Variants in UGDH observed in about 807,000 individuals in gnomAD.
UGDH encodes UDP-Glc dehydrogenase.
A neutral mutation model predicts 50.6 loss-of-function variants in UGDH; 38 were observed. That is an observed-to-expected ratio of 0.75 (90% CI 0.58 to 0.98). UGDH has a LOEUF of 0.98. UGDH is among the 50% of genes least tolerant of loss of function. The pLI is 0.00. For missense variants in UGDH, 465 were observed against 606.2 expected, an observed-to-expected ratio of 0.77 and a Z score of 2.45; for synonymous variants, 168 against 199.9, an observed-to-expected ratio of 0.84 and a Z score of 1.35.
intron 1 of UGDH, chr4:39,526,926 C>T: frequency 9.9e-7 from 1 of 1,005,238 alleles, no homozygotes; most frequent in South Asian, 1.4e-5. Context: ...ACTCTGCGGC[C>T]AAAATGAGGT....
rs1450767251 is a variant in UGDH, at chr4:39,527,394, C to G, written c.-119G>C. On this transcript the variant is annotated 5_prime_UTR_variant, in exon 1 of 12. Transcript: ENST00000316423. ...CCACCCGCGCCCCGCTCGATCTGAG[C>G]TCCCTCTCGGCGCACGCCCCTCCCT... The G allele has an allele frequency of 3.8e-6, 1 of 260,274 alleles. No individual in the cohort carries two copies. The allele number at this position is 260,274 out of a possible 1,614,324, so 16.1% of individuals were successfully genotyped here. A position where few individuals can be genotyped will look rare whatever the true frequency, so the allele number is the denominator to read the frequency against.
intron 2 of UGDH, among the ~76,000 whole-genome samples, chr4:39,519,410 T>C (rs1387981364): frequency 6.6e-6 from 1 of 152,168 alleles, no homozygotes; most frequent in East Asian, 1.9e-4. Context: ...AATGTTTGGA[T>C]ATAAGTATGG....
intron 2 of UGDH, among the ~76,000 whole-genome samples, chr4:39,517,852 G>T (rs186881591): frequency 2.4e-4 from 37 of 152,306 alleles, no homozygotes; most frequent in African/African-American, 8.9e-4. Context: ...AAGTGCAGGA[G>T]TAGTTTCATT....
chr4:39,510,782 C>T lies in UGDH; in HGVS notation c.344G>A (p.Arg115His), dbSNP rs202045254. ...GTACCCATTTGAGTTTTGCACAATG[C>T]GTCTAGCACAAGCTTCAATATACTT... ...DLKYIEACAR[R>H]IVQNSNGYKI... Residue 115 changes from arginine to histidine, a missense_variant, in exon 4 of 12, where the codon CGC becomes CAC. Transcript: ENST00000316423. The T allele has an allele frequency of 7.9e-5, 128 of 1,614,082 alleles. No homozygotes were observed. The highest frequency in any genetic ancestry group is 9.9e-5 in the Non-Finnish European group (117 of 1,180,052).
At chr4:39,526,704 G>A in intron 1 of UGDH, 1 of 185,742 alleles carries the variant, frequency 5.4e-6, no homozygotes. Flanking sequence ...CCCAGGAAAG[G>A]CCTTCCCCGA....
In UGDH at chr4:39,509,821, C is replaced by G; in HGVS notation, c.750G>C (p.Glu250Asp). Residue 250 changes from glutamate to aspartate, a missense_variant, in exon 6 of 12, where the codon GAG (glutamate) becomes GAC (aspartate). Glu to Asp is a conservative substitution (Grantham distance 45, BLOSUM62 2). Coordinates refer to ENST00000316423, the MANE Select transcript of UGDH (RefSeq NM_003359.4). ...LCEATGADVE[E>D]VATAIGMDQR... ...GGTCCATTCCAATCGCTGTTGCTACCTCTTCTACATCAGCTCCTGTTGCTT... is the reference window on the plus strand; with the variant it reads ...GGTCCATTCCAATCGCTGTTGCTACGTCTTCTACATCAGCTCCTGTTGCTT... The G allele has an allele frequency of 6.2e-7, 1 of 1,613,256 alleles. No individual in the cohort carries two copies. Among genetic ancestry groups the G allele is most frequent in the Non-Finnish European group, 8.5e-7 (1 of 1,179,868 alleles).
chr4:39,516,501 C>A (rs951360148), intron 2 of UGDH, among the ~76,000 whole-genome samples: 1 of 152,164 alleles, frequency 6.6e-6, no homozygotes, highest in Non-Finnish European at 1.5e-5. Context: ...ACCTAAACCA[C>A]TGAAGCTCAC....
chr4:39,512,650 A>G (rs1158206120), intron 3 of UGDH, among the ~76,000 whole-genome samples: 1 of 151,716 alleles, frequency 6.6e-6, no homozygotes, highest in Non-Finnish European at 1.5e-5. Flanking sequence ...AATTAGACTA[A>G]GTAACTCATT....
chr4:39,505,629 A>G lies in UGDH; in HGVS notation c.1026T>C (p.Thr342=). Reference sequence around the variant, plus strand: ...TTAAAAACTGATACCTTGTATCACCAGTGTCCTTTTTGAATGCAAATCCCA... The same window carrying G: ...TTAAAAACTGATACCTTGTATCACCGGTGTCCTTTTTGAATGCAAATCCCA... The part of the protein sequence containing the change: ...AILGFAFKKD[T]GDTRESSSIY... The change falls in exon 8 of 12, where the codon ACT becomes ACC. Residue 342 remains threonine (T), a synonymous_variant. Transcript: ENST00000316423. 6.2e-7 allele frequency: 1 copy of G among 1,605,212 alleles called. No homozygotes were observed. Among genetic ancestry groups the G allele is most frequent in the East Asian group, 2.2e-5 (1 of 44,778 alleles).
intron 1 of UGDH, 75 bp from the exon 2 acceptor site, chr4:39,521,594 T>C (rs1206127775): frequency 8.1e-7 from 1 of 1,228,870 alleles, no homozygotes; most frequent in Non-Finnish European, 1.1e-6. Context: ...ACATTAATTA[T>C]ACTTTATAAA....
intron 11 of UGDH, among the ~76,000 whole-genome samples, chr4:39,501,985 T>C (rs958420430): frequency 1.3e-5 from 2 of 152,232 alleles, no homozygotes; most frequent in Non-Finnish European, 1.5e-5. Context: ...GCTTCTGCTT[T>C]ATATTAACCA....
chr4:39,510,043 CAATG>C, intron 5 of UGDH, 136 bp from the exon 6 acceptor site: 2 of 1,036,566 alleles, frequency 1.9e-6, no homozygotes, highest in South Asian at 1.9e-5. Context: ...TTTGAGGAGA[CAATG>C]GATGGGTTAG....
chr4:39,512,093 G>A (rs1296151874), intron 3 of UGDH, among the ~76,000 whole-genome samples: 2 of 151,650 alleles, frequency 1.3e-5, no homozygotes, highest in East Asian at 1.9e-4. Context: ...TAACCTTGGA[G>A]AAGTGTGGCT....
chr4:39,513,815 G>A (rs760798691), intron 3 of UGDH, among the ~76,000 whole-genome samples: 6 of 152,148 alleles, frequency 3.9e-5, no homozygotes, highest in East Asian at 1.9e-4. Flanking sequence ...GATTACAGGC[G>A]TGAGCCACCG....
In UGDH at chr4:39,500,252, A is replaced by G. The variant is rs895364082; in HGVS notation, c.1376T>C (p.Ile459Thr). 1.3e-6 allele frequency: 2 copies of G among 1,563,750 alleles called. No individual in the cohort carries two copies. Among genetic ancestry groups the G allele is most frequent in the African/African-American group, 2.7e-5 (2 of 73,188 alleles). The change falls in exon 12 of 12, where the codon ATT becomes ACT. Residue 459 changes from isoleucine (I) to threonine (T), a missense_variant and splice_region_variant. By Grantham distance (89) the Ile-to-Thr change is moderately conservative. Transcript: ENST00000316423. ...HNELQTIGFQ[I>T]ETIGKKVSSK... ...AGACACCTTTTTGCCAATTGTTTCA[A>G]TCTGAAAAAAAAATAAAATTTAAGA... is the stretch of plus-strand genomic sequence containing the variant.
intron 11 of UGDH, among the ~76,000 whole-genome samples, chr4:39,500,653 C>CTTTTTTTTTT (rs11284301): frequency 2.2e-5 from 3 of 135,222 alleles, no homozygotes; most frequent in Non-Finnish European, 1.6e-5. Context: ...GCATAATTCT[C>CTTTTTTTTTT]TTTTTTTTTT....
rs1745725032 is a variant in UGDH, at chr4:39,499,946, C to T, written c.*197G>A. ...TTGGGAGGCTGAGCCAGGAGAATGG[C>T]GTGAACCTGGGAAGCAGAGCTTGCA... On this transcript the variant is annotated 3_prime_UTR_variant, in exon 12 of 12. Coordinates refer to ENST00000316423, the MANE Select transcript of UGDH (RefSeq NM_003359.4). The T allele has an allele frequency of 1.0e-5, 4 of 388,966 alleles. No homozygotes were observed. The highest frequency in any genetic ancestry group is 3.9e-5 in the East Asian group (1 of 25,426). The allele number at this position is 388,966 out of a possible 1,614,324, so 24.1% of individuals were successfully genotyped here.
chr4:39,523,660 G>A lies in UGDH; in HGVS notation c.-7-2141C>T, dbSNP rs180772920. On this transcript the variant is annotated intron_variant, in intron 1 of 11. Coordinates refer to ENST00000316423, the MANE Select transcript of UGDH (RefSeq NM_003359.4). ...TCTCTACTAAAAATACAAAATTAGC[G>A]GGGCATGGTGGCACATGTCTGTAAT... is the stretch of plus-strand genomic sequence containing the variant. 1.9e-4 allele frequency among the ~76,000 whole-genome samples: 29 copies of A among 151,952 alleles called. No homozygotes were observed. The East Asian group carries it at 3.9e-3, about 20-fold the overall frequency.
At chr4:39,507,364 A>C (rs16995337) in intron 7 of UGDH, among the ~76,000 whole-genome samples, 20,899 of 152,210 alleles carry the variant, frequency 0.14, 2,934 homozygotes, top group African/African-American at 0.35. Context: ...AGCAGATACA[A>C]AACCACTTGA....
Sources: gnomAD v4.1 joint callset for allele counts (sites outside exome capture counted in the v4.1 genomes callset) on GRCh38, gnomAD v4.1.1 for gene constraint, MANE v1.5 for transcripts, NCBI Gene and HGNC (gene_info 2026-07-23, HGNC 2026-07-21) for gene names.